The following DNM3 variants were observed in gnomAD, a reference collection of about 807,000 sequenced individuals.
DNM3 encodes the protein dynamin 3.
A neutral mutation model predicts 101.6 loss-of-function variants in DNM3; 47 were observed. The ratio of observed to expected loss-of-function variants is 0.46; its 90% CI spans 0.37 to 0.59. The LOEUF is 0.59. DNM3 is among the 20% of genes least tolerant of loss of function. The probability of loss-of-function intolerance (pLI) is 0.00; values close to 1 mark genes in which losing one functional copy is unlikely to be tolerated. For missense variants in DNM3, 849 were observed against 1,085.7 expected (o/e 0.78, Z 3.06); for synonymous variants, 385 against 387.9 (o/e 0.99, Z 0.09).
intron 17 of DNM3, chr1:172,376,329 A>G (rs2068598708): frequency 6.6e-6 from 1 of 152,086 alleles, no homozygotes; most frequent in Non-Finnish European, 1.5e-5. Flanking sequence ...TGCCTCAAAG[A>G]TCAGAGACAA....
At chr1:172,377,553 C>T (rs1038155250) in intron 17 of DNM3, among the ~76,000 whole-genome samples, 8 of 123,436 alleles carry the variant, frequency 6.5e-5, no homozygotes, top group South Asian at 5.5e-4. Context: ...TGATATATAT[C>T]ATATATATAT....
At chr1:172,207,922 G>A (rs1009053927) in intron 14 of DNM3, among the ~76,000 whole-genome samples, 1 of 151,920 alleles carries the variant, frequency 6.6e-6, no homozygotes, top group African/African-American at 2.4e-5. Context: ...TACAAAGAAA[G>A]TGTGTACTTC....
intron 1 of DNM3, among the ~76,000 whole-genome samples, chr1:171,893,628 A>AT (rs1016567520): frequency 1.3e-5 from 2 of 151,718 alleles, no homozygotes; most frequent in African/African-American, 4.8e-5. Context: ...TAATTAAACA[A>AT]TTTTTTTGTA....
Position 172,234,628 on chromosome 1 carries a change from A to T in DNM3, c.1660-18945A>T, listed in dbSNP as rs1248237253. 3.9e-5 allele frequency among the ~76,000 whole-genome samples: 6 copies of T among 152,280 alleles called. No homozygotes were observed. In the East Asian group the frequency reaches 1.2e-3, roughly 29 times the overall value. Reference sequence around the variant, plus strand: ...TGGAGGCATCACGCTACCTGACTTCAAACTATATTACAAGGCTACAGTAAC... The same window carrying T: ...TGGAGGCATCACGCTACCTGACTTCTAACTATATTACAAGGCTACAGTAAC... On this transcript the variant is annotated intron_variant, in intron 14 of 20. Coordinates refer to ENST00000627582, the MANE Select transcript of DNM3 (RefSeq NM_015569.5).
intron 14 of DNM3, among the ~76,000 whole-genome samples, chr1:172,182,449 A>C (rs958301483): frequency 6.6e-6 from 1 of 152,146 alleles, no homozygotes; most frequent in African/African-American, 2.4e-5. Context: ...GTAATAAAAC[A>C]CACTTTTTCC....
At position 171,841,652 on chromosome 1, in the gene DNM3, G is replaced by A; in HGVS notation, c.-5G>A. ...GACCAGCTGGTCGCCGGCCCCTCGG[G>A]CAAGATGGGGAACCGGGAGATGGAG... On this transcript the variant is annotated 5_prime_UTR_variant, in exon 1 of 21. Coordinates refer to ENST00000627582, the MANE Select transcript of DNM3 (RefSeq NM_015569.5). 1 of 1,608,840 alleles carries A rather than the reference G, an allele frequency of 6.2e-7. No individual in the cohort carries two copies.
chr1:171,970,450 A>T (rs1017983645), intron 2 of DNM3, among the ~76,000 whole-genome samples: 2 of 152,070 alleles, frequency 1.3e-5, no homozygotes, highest in South Asian at 4.1e-4. Context: ...ACAGTACTTA[A>T]TATGTGTTAA....
chr1:171,901,482 A>T (rs890347796), intron 1 of DNM3, among the ~76,000 whole-genome samples: 3 of 152,130 alleles, frequency 2.0e-5, no homozygotes, highest in Non-Finnish European at 4.4e-5. Context: ...CACCCATTAC[A>T]GAGGAGGAGC....
chr1:172,156,402 G>A (rs1237972449), intron 14 of DNM3, among the ~76,000 whole-genome samples: 1 of 152,024 alleles, frequency 6.6e-6, no homozygotes, highest in African/African-American at 2.4e-5. Context: ...GACTTACTAG[G>A]TGCCTGCAAT....
At chr1:172,225,772 T>C (rs2061095126) in intron 14 of DNM3, among the ~76,000 whole-genome samples, 1 of 151,812 alleles carries the variant, frequency 6.6e-6, no homozygotes, top group African/African-American at 2.4e-5. Flanking sequence ...TATAAAAAAT[T>C]CCAACATCTT....
At chr1:172,140,847 C>G (rs1399142792) in intron 14 of DNM3, among the ~76,000 whole-genome samples, 1 of 151,954 alleles carries the variant, frequency 6.6e-6, no homozygotes, top group African/African-American at 2.4e-5. Flanking sequence ...TATGTTGAAC[C>G]TGCCCCTAAA....
In DNM3 at chr1:172,335,718, C is replaced by T. The variant is rs147156195; in HGVS notation, c.1893+12378C>T. 2.1e-4 allele frequency among the ~76,000 whole-genome samples: 32 copies of T among 152,248 alleles called. No individual in the cohort carries two copies. The East Asian group carries it at 5.6e-3, about 27-fold the overall frequency. On this transcript the variant is annotated intron_variant, in intron 17 of 20. Transcript: ENST00000627582. ...GAAAACCAAATACCACATGTTCTCA[C>T]TTATAAGTGGGAGCTAAACACTGAG... is the stretch of plus-strand genomic sequence containing the variant.
intron 16 of DNM3, among the ~76,000 whole-genome samples, chr1:172,318,470 T>C (rs1275886378): frequency 3.9e-5 from 6 of 152,198 alleles, no homozygotes; most frequent in African/African-American, 1.2e-4. Context: ...GACGACGTGA[T>C]TGTATATCTA....
chr1:171,964,700 A>T (rs2043447951), intron 2 of DNM3, among the ~76,000 whole-genome samples: 1 of 152,162 alleles, frequency 6.6e-6, no homozygotes, highest in Admixed American at 6.5e-5. Context: ...ACCTTGATTC[A>T]TGGTATTCTA....
chr1:171,927,470 C>T (rs1297526461), intron 2 of DNM3, among the ~76,000 whole-genome samples: 1 of 152,126 alleles, frequency 6.6e-6, no homozygotes, highest in Admixed American at 6.5e-5. Context: ...CATCATTTAG[C>T]TCCCACTTAT....
At chr1:172,334,151 T>C (rs2066315212) in intron 17 of DNM3, among the ~76,000 whole-genome samples, 2 of 152,228 alleles carry the variant, frequency 1.3e-5, no homozygotes, top group Non-Finnish European at 1.5e-5. Flanking sequence ...CCTTGACTTA[T>C]AATGCAGTTA....
chr1:171,859,313 T>G (rs555701771), intron 1 of DNM3, among the ~76,000 whole-genome samples: 2 of 152,178 alleles, frequency 1.3e-5, no homozygotes, highest in African/African-American at 4.8e-5. Flanking sequence ...CTCCTAGGTT[T>G]CTTGTCCCTC....
chr1:172,145,400 C>CTCTCTCTCTCTTTCTCTCCT (rs1491580163), intron 14 of DNM3, among the ~76,000 whole-genome samples: 11 of 150,334 alleles, frequency 7.3e-5, no homozygotes, highest in Admixed American at 7.3e-4. Flanking sequence ...TTCCCTCCCG[C>CTCTCTCTCTCTTTCTCTCCT]TCTCTCTCTC....
At chr1:172,256,755 T>A (rs1036803207) in intron 15 of DNM3, among the ~76,000 whole-genome samples, 32 of 152,036 alleles carry the variant, frequency 2.1e-4, no homozygotes, top group African/African-American at 7.7e-4. Context: ...AATTTAGATG[T>A]GTAGCTCATT....
Sources: allele counts gnomAD v4.1 joint callset (sites outside exome capture counted in the v4.1 genomes callset), GRCh38; gene constraint gnomAD v4.1.1; transcripts MANE v1.5; gene names NCBI Gene and HGNC (gene_info 2026-07-23, HGNC 2026-07-21).